PRDM16: variants seen among roughly 807,000 people sequenced by gnomAD.
PRDM16 encodes the protein PR/SET domain 16, also known as histone-lysine N-methyltransferase PRDM16.
A neutral mutation model predicts 110.6 loss-of-function variants in PRDM16; 23 were observed. That is an observed-to-expected ratio of 0.21 (90% CI 0.15 to 0.29). The LOEUF (loss-of-function observed/expected upper bound fraction) is 0.29. PRDM16 is among the 10% of genes least tolerant of loss of function. The pLI, the probability that PRDM16 is intolerant of heterozygous loss-of-function variation, is 1.00. For synonymous variants in PRDM16, 799 were observed against 781.8 expected, an observed-to-expected ratio of 1.02 and a Z score of -0.37; for missense variants, 1,615 against 1,794.3, an observed-to-expected ratio of 0.90 and a Z score of 1.81.
intron 2 of PRDM16, among the ~76,000 whole-genome samples, chr1:3,188,634 C>A (rs1644300909): frequency 6.6e-6 from 1 of 152,256 alleles, no homozygotes; most frequent in African/African-American, 2.4e-5. Flanking sequence ...ACGGTGCTCC[C>A]CGCGCACCCG....
rs1169344872 is a variant in PRDM16 at position 3,359,789 on chromosome 1, A to G, written c.439-25363A>G. On this transcript the variant is annotated intron_variant, in intron 3 of 16. Transcript: ENST00000270722. This position sits in a 1 kb window ranked among gnomAD's most constrained non-coding sequence, Gnocchi z 4.3. ...GCAGCCAGAAGGCAAGGCGGGAAAA[A>G]CGAGCCTGGCCTGAAACCACGCCCG... is the stretch of plus-strand genomic sequence containing the variant. 2.6e-5 allele frequency among the ~76,000 whole-genome samples: 4 copies of G among 152,088 alleles called. No individual in the cohort carries two copies. Among genetic ancestry groups the G allele is most frequent in the Non-Finnish European group, 4.4e-5 (3 of 68,024 alleles).
At position 3,165,432 on chromosome 1, in the gene PRDM16, GT is replaced by G. The variant is rs1181781537; in HGVS notation, c.38-20692del. The stretch of plus-strand genomic sequence containing the variant: ...AGTGACTCACCTGGGCTCAGGGACA[GT>G]GACTCACCTGGGCTCAGGGACAGTG... On this transcript the variant is annotated intron_variant, in intron 1 of 16. Transcript: ENST00000270722. Among the ~76,000 whole-genome samples, 30 of 128,886 alleles carry G rather than the reference GT, an allele frequency of 2.3e-4. 6 individuals carry two copies. Among genetic ancestry groups the G allele is most frequent in the Admixed American group, 3.1e-4 (4 of 13,026 alleles). The allele number at this position is 128,886 out of a possible 152,430, so 84.6% of individuals were successfully genotyped here.
rs947385842 is a variant in PRDM16 at position 3,437,869 on chromosome 1, C to T, written c.*4058C>T. 10 of 218,680 alleles carry T rather than the reference C, an allele frequency of 4.6e-5. No homozygotes were observed. The highest frequency in any genetic ancestry group is 2.9e-4 in the Admixed American group (5 of 17,298). The allele number at this position is 218,680 out of a possible 1,614,324, so 13.5% of individuals were successfully genotyped here. ...GTCACGTGCATTGCCACTGCGCTTT[C>T]GGCACGAGGGATGCTGAGCCCTGGT... On this transcript the variant is annotated 3_prime_UTR_variant, in exon 17 of 17. Coordinates refer to ENST00000270722, the MANE Select transcript of PRDM16 (RefSeq NM_022114.4).
At chr1:3,090,643 C>T (rs191951571) in intron 1 of PRDM16, among the ~76,000 whole-genome samples, 7 of 152,356 alleles carry the variant, frequency 4.6e-5, no homozygotes, top group African/African-American at 1.2e-4. Context: ...TGGGCAGACT[C>T]GGCCACACAG....
At chr1:3,125,924 C>A (rs1227336005) in intron 1 of PRDM16, among the ~76,000 whole-genome samples, 3 of 152,198 alleles carry the variant, frequency 2.0e-5, no homozygotes, top group Admixed American at 1.3e-4. Context: ...ATGACAGGGG[C>A]ATTAGAGGCC....
chr1:3,430,209 C>T (rs1638728472), intron 14 of PRDM16, among the ~76,000 whole-genome samples: 1 of 152,218 alleles, frequency 6.6e-6, no homozygotes, highest in African/African-American at 2.4e-5. Context: ...TGCCCAGCCA[C>T]ACCCATGCAC....
At chr1:3,254,298 A>G (rs903302400) in intron 3 of PRDM16, among the ~76,000 whole-genome samples, 35 of 152,304 alleles carry the variant, frequency 2.3e-4, no homozygotes, top group African/African-American at 7.9e-4. Context: ...TAGTGTTGGA[A>G]GTTCTGGCCA....
At chr1:3,107,075 C>T (rs1642675812) in intron 1 of PRDM16, among the ~76,000 whole-genome samples, 1 of 152,240 alleles carries the variant, frequency 6.6e-6, no homozygotes, top group Non-Finnish European at 1.5e-5. Flanking sequence ...CACACCTCAT[C>T]AGGGTGGGGC....
intron 3 of PRDM16, among the ~76,000 whole-genome samples, chr1:3,253,069 C>T (rs1242082628): frequency 3.3e-5 from 5 of 152,112 alleles, no homozygotes; most frequent in African/African-American, 4.8e-5. Context: ...ACAGAATGCT[C>T]GCCAGGCGCC....
intron 1 of PRDM16, among the ~76,000 whole-genome samples, chr1:3,137,968 G>A (rs1389866597): frequency 9.9e-5 from 15 of 152,214 alleles, no homozygotes. Flanking sequence ...TGTGGCTGGA[G>A]GGTCCGTCCC....
intron 3 of PRDM16, among the ~76,000 whole-genome samples, chr1:3,341,816 T>G (rs557592962): frequency 6.6e-6 from 1 of 152,260 alleles, no homozygotes; most frequent in Non-Finnish European, 1.5e-5. Flanking sequence ...TGCAGCGCAC[T>G]GTGTGGCCAG....
rs1416388892 is a variant in PRDM16, at chr1:3,181,536, ACACGGTCTTACACACG to A, written c.38-4586_38-4571del. 3.3e-3 allele frequency among the ~76,000 whole-genome samples: 179 copies of A among 55,076 alleles called. 39 individuals carry two copies. The highest frequency in any genetic ancestry group is 0.011 in the African/African-American group (157 of 14,018). 36.1% of individuals were successfully genotyped at this position (55,076 alleles called of 152,430 possible). On this transcript the variant is annotated intron_variant, in intron 1 of 16. Transcript: ENST00000270722. ...CGCAGTCTTACACAAGCGGTCTTAC[ACACGGTCTTACACACG>A]CAGTCTTACACACGCAGTCTTACAC... is the stretch of plus-strand genomic sequence containing the variant.
intron 1 of PRDM16, among the ~76,000 whole-genome samples, chr1:3,134,339 C>T (rs185550860): frequency 6.6e-6 from 1 of 152,336 alleles, no homozygotes; most frequent in African/African-American, 2.4e-5. Context: ...GCAGAGGAGA[C>T]GCAGGCCTGG....
intron 1 of PRDM16, among the ~76,000 whole-genome samples, chr1:3,111,740 T>G (rs1642800017): frequency 6.6e-6 from 1 of 152,154 alleles, no homozygotes; most frequent in African/African-American, 2.4e-5. Flanking sequence ...GTCAGAGGCC[T>G]AATCTTTTTT....
chr1:3,310,369 C>G (rs1641420683), intron 3 of PRDM16, among the ~76,000 whole-genome samples: 1 of 152,168 alleles, frequency 6.6e-6, no homozygotes, highest in African/African-American at 2.4e-5. Context: ...GGTCACCGCC[C>G]CTGAAGCGCC....
intron 3 of PRDM16, among the ~76,000 whole-genome samples, chr1:3,384,494 A>C (rs185894514): frequency 9.9e-5 from 15 of 152,278 alleles, no homozygotes; most frequent in Admixed American, 6.5e-4. Flanking sequence ...CACAGCAAAT[A>C]AGAAAAGTCC....
At chr1:3,198,746 G>A (rs1456268246) in intron 2 of PRDM16, among the ~76,000 whole-genome samples, 13 of 152,316 alleles carry the variant, frequency 8.5e-5, no homozygotes, top group Admixed American at 3.9e-4. Context: ...CGCAGGCTGC[G>A]GGAACCCCCT....
Position 3,186,232 on chromosome 1 carries a change from G to T in PRDM16, c.145G>T (p.Gly49Trp). The T allele has an allele frequency of 6.2e-7, 1 of 1,612,634 alleles. No homozygotes were observed. Among genetic ancestry groups the T allele is most frequent in the Non-Finnish European group, 8.5e-7 (1 of 1,179,890 alleles). Residue 49 changes from glycine (G) to tryptophan (W), a missense_variant, in exon 2 of 17, where the codon GGG (glycine) becomes TGG (tryptophan). Coordinates refer to ENST00000270722, the MANE Select transcript of PRDM16 (RefSeq NM_022114.4). ...CAGTGCCATGTCGCCCATCCCCGTG[G>T]GGCCACCGTCCCCCTTCCCCACCAG... ...EDSAMSPIPV[G>W]PPSPFPTSED...
At chr1:3,300,981 G>T (rs974496009) in intron 3 of PRDM16, among the ~76,000 whole-genome samples, 1 of 152,168 alleles carries the variant, frequency 6.6e-6, no homozygotes, top group Admixed American at 6.5e-5. Context: ...AAGGGAGCTT[G>T]TCAAGTGCAA....
Sources: allele counts gnomAD v4.1 joint callset (sites outside exome capture counted in the v4.1 genomes callset), GRCh38; gene constraint gnomAD v4.1.1; non-coding constraint Gnocchi (gnomAD v3.1); transcripts MANE v1.5; gene names NCBI Gene and HGNC (gene_info 2026-07-23, HGNC 2026-07-21).